Variants in ADCY8 observed in about 807,000 individuals in gnomAD.
The protein encoded by ADCY8 is adenylate cyclase type 8.
A neutral mutation model predicts 119.7 loss-of-function variants in ADCY8; 51 were observed. That is an observed-to-expected ratio of 0.43 (90% confidence interval 0.34 to 0.54). The LOEUF is 0.54. Among genes scored for constraint, ADCY8 ranks in the 20% least tolerant of loss-of-function variants. The probability of loss-of-function intolerance (pLI) is 0.03; values close to 1 mark genes in which losing one functional copy is unlikely to be tolerated. For synonymous variants in ADCY8, 665 were observed against 651.0 expected (o/e 1.02, Z -0.33); for missense variants, 1,383 against 1,598.8 (o/e 0.87, Z 2.30).
rs183037541 is a variant in ADCY8, at chr8:130,817,129, A to T, written c.2755-2902T>A. On this transcript the variant is annotated intron_variant, in intron 13 of 17. Coordinates refer to ENST00000286355, the MANE Select transcript of ADCY8 (RefSeq NM_001115.3). The stretch of plus-strand genomic sequence containing the variant: ...CATTATAGGTGGTAACAATTGTATT[A>T]ATATACTTAGACTATTATAGTAAAT... Among the ~76,000 whole-genome samples, 684 of 152,350 alleles carry T rather than the reference A, an allele frequency of 4.5e-3. 19 individuals carry two copies. The highest frequency in any genetic ancestry group is 0.036 in the Admixed American group (552 of 15,302).
chr8:130,958,164 A>G (rs1821489376), intron 2 of ADCY8, among the ~76,000 whole-genome samples: 1 of 152,204 alleles, frequency 6.6e-6, no homozygotes, highest in East Asian at 1.9e-4. Flanking sequence ...ATCCCTTGGG[A>G]GGACCCAGGA....
At chr8:130,939,852 T>G (rs944429317) in intron 4 of ADCY8, among the ~76,000 whole-genome samples, 1 of 152,214 alleles carries the variant, frequency 6.6e-6, no homozygotes, top group African/African-American at 2.4e-5. Flanking sequence ...AATAAAACTC[T>G]GAACATGGCA....
At chr8:130,822,393 G>A (rs752836285) in intron 12 of ADCY8, among the ~76,000 whole-genome samples, 12 of 152,188 alleles carry the variant, frequency 7.9e-5, no homozygotes, top group Non-Finnish European at 1.3e-4. Flanking sequence ...TGTAGACTCA[G>A]GAGGAGAGAG....
intron 11 of ADCY8, among the ~76,000 whole-genome samples, chr8:130,837,995 C>A (rs988399044): frequency 6.6e-6 from 1 of 152,148 alleles, no homozygotes; most frequent in Non-Finnish European, 1.5e-5. Context: ...TCTTTTTGGT[C>A]TTGTTATACA....
chr8:131,037,280 G>A (rs1824186123), intron 1 of ADCY8, among the ~76,000 whole-genome samples: 1 of 152,156 alleles, frequency 6.6e-6, no homozygotes, highest in East Asian at 1.9e-4. Context: ...TCACAGTGGA[G>A]AATTGTTTAT....
At chr8:130,880,384 C>T (rs1818725675) in intron 8 of ADCY8, among the ~76,000 whole-genome samples, 1 of 152,108 alleles carries the variant, frequency 6.6e-6, no homozygotes, top group African/African-American at 2.4e-5. Context: ...ATGCATTCTT[C>T]TTTTAATAAG....
In ADCY8 at chr8:130,849,786, A is replaced by G; in HGVS notation, c.2228T>C (p.Ile743Thr). 6.2e-7 allele frequency: 1 copy of G among 1,612,950 alleles called. No individual in the cohort carries two copies. The highest frequency in any genetic ancestry group is 8.5e-7 in the Non-Finnish European group (1 of 1,179,468). Residue 743 changes from isoleucine (I) to threonine (T), a missense_variant, in exon 10 of 18, where the codon ATC becomes ACC. Coordinates refer to ENST00000286355, the MANE Select transcript of ADCY8 (RefSeq NM_001115.3). ...CAGCATAATCAGAATGGAGAACTGG[A>G]TGGTCATTGGCATCACTCTGCAGGG... ...LPSSRVMPMT[I>T]QFSILIMLHS...
chr8:130,851,043 C>T (rs1586480962), intron 9 of ADCY8, among the ~76,000 whole-genome samples: 1 of 152,140 alleles, frequency 6.6e-6, no homozygotes, highest in African/African-American at 2.4e-5. Context: ...ATTTAAAGTC[C>T]ACTCTGTTAT....
chr8:130,899,987 C>T (rs2130514642), intron 7 of ADCY8, among the ~76,000 whole-genome samples: 1 of 152,252 alleles, frequency 6.6e-6, no homozygotes, highest in African/African-American at 2.4e-5. Context: ...TCCAATAGTC[C>T]ACCTGTGATC....
chr8:130,995,772 A>G (rs1474287672), intron 1 of ADCY8, among the ~76,000 whole-genome samples: 1 of 152,164 alleles, frequency 6.6e-6, no homozygotes, highest in African/African-American at 2.4e-5. Context: ...TTTCCCTGCT[A>G]TACTTTATTC....
chr8:130,871,953 CACACGCACGTGCACACACACACACAT>C (rs763438956), intron 8 of ADCY8, among the ~76,000 whole-genome samples: 7 of 152,084 alleles, frequency 4.6e-5, no homozygotes, highest in Non-Finnish European at 8.8e-5. Flanking sequence ...CACACACACA[CACACGCACGTGCACACACACACACAT>C]ATGTATATAG....
chr8:130,980,409 G>A (rs914246290), intron 2 of ADCY8, among the ~76,000 whole-genome samples: 3 of 152,158 alleles, frequency 2.0e-5, no homozygotes, highest in Admixed American at 6.5e-5. Flanking sequence ...CTGCAGCCTG[G>A]AGAATGAATT....
chr8:130,810,466 G>A lies in ADCY8; in HGVS notation c.2913+3603C>T, dbSNP rs563007908. ...GGGGCACAGAAGAAAGCAATCTGAG[G>A]GACTGGACTCCCCTTGTGGCTTTGC... On this transcript the variant is annotated intron_variant, in intron 14 of 17. Transcript: ENST00000286355. Among the ~76,000 whole-genome samples the A allele has an allele frequency of 2.9e-4, 44 of 151,932 alleles. No individual in the cohort carries two copies. In the South Asian group the frequency reaches 8.7e-3, roughly 30 times the overall value.
chr8:131,031,772 A>G (rs1225108590), intron 1 of ADCY8, among the ~76,000 whole-genome samples: 1 of 152,146 alleles, frequency 6.6e-6, no homozygotes, highest in Non-Finnish European at 1.5e-5. Flanking sequence ...GAAGCCAAAT[A>G]AATTTCTGAT....
chr8:130,884,590 A>G lies in ADCY8; in HGVS notation c.2083T>C (p.Phe695Leu). The change falls in exon 8 of 18, where the codon TTT becomes CTT. Residue 695 changes from phenylalanine (F) to leucine (L), a missense_variant. Phe to Leu is a conservative substitution (Grantham distance 22). Transcript: ENST00000286355. ...TTGTGCTCCAGGCTGGAGTCTTTAA[A>G]CATCAGTGAGAATGGCTTGATATGC... ...REHIKPFSLM[F>L]KDSSLEHKYS... 1 of 1,613,834 alleles carries G rather than the reference A, an allele frequency of 6.2e-7. No homozygotes were observed. The highest frequency in any genetic ancestry group is 8.5e-7 in the Non-Finnish European group (1 of 1,179,814).
chr8:130,892,178 C>T (rs1819211312), intron 7 of ADCY8: 1 of 152,092 alleles, frequency 6.6e-6, no homozygotes, highest in African/African-American at 2.4e-5. Flanking sequence ...GCAATAATAG[C>T]CTAGACATTT....
intron 13 of ADCY8, among the ~76,000 whole-genome samples, chr8:130,817,926 A>G (rs1180506995): frequency 6.6e-6 from 1 of 152,242 alleles, no homozygotes; most frequent in Non-Finnish European, 1.5e-5. Flanking sequence ...ATAGGCGATT[A>G]TCATAAGCAG....
intron 11 of ADCY8, among the ~76,000 whole-genome samples, chr8:130,840,560 G>A (rs1817107749): frequency 6.6e-6 from 1 of 152,108 alleles, no homozygotes; most frequent in Admixed American, 6.6e-5. Flanking sequence ...AAACTGGAAA[G>A]CAGGGTGTAA....
At chr8:131,006,043 C>G (rs529347295) in intron 1 of ADCY8, among the ~76,000 whole-genome samples, 5 of 152,244 alleles carry the variant, frequency 3.3e-5, no homozygotes, top group South Asian at 4.1e-4. Context: ...CTTTCTCTCT[C>G]TCTGTCACAC....
Sources: gnomAD v4.1 joint callset for allele counts (sites outside exome capture counted in the v4.1 genomes callset) on GRCh38, gnomAD v4.1.1 for gene constraint, MANE v1.5 for transcripts, NCBI Gene and HGNC (gene_info 2026-07-23, HGNC 2026-07-21) for gene names.